MPPED2: variants seen among roughly 807,000 people sequenced by gnomAD.
MPPED2 encodes metallophosphoesterase domain containing 2, also known as metallophosphoesterase MPPED2.
In MPPED2, 5 loss-of-function variants were observed where a neutral mutation model predicts 33.0. The observed-to-expected ratio is 0.15, with a 90% CI of 0.08 to 0.32. The LOEUF (loss-of-function observed/expected upper bound fraction) is 0.32, where lower values mean the gene tolerates loss of function less well. Ranked by LOEUF, MPPED2 falls within the 10% of genes least tolerant of loss-of-function variation. MPPED2 has a pLI of 1.00. For synonymous variants in MPPED2, 136 were observed against 141.9 expected (o/e 0.96, Z 0.29); for missense variants, 275 against 372.1 (o/e 0.74, Z 2.15).
intron 4 of MPPED2, among the ~76,000 whole-genome samples, chr11:30,466,067 T>A (rs1950694460): frequency 6.6e-6 from 1 of 152,256 alleles, no homozygotes; most frequent in Non-Finnish European, 1.5e-5. Flanking sequence ...TCAGTTGGCC[T>A]GTTCCTTGCT....
At chr11:30,402,073 G>A (rs938839816) in intron 6 of MPPED2, among the ~76,000 whole-genome samples, 1 of 152,180 alleles carries the variant, frequency 6.6e-6, no homozygotes, top group South Asian at 2.1e-4. Flanking sequence ...TATTTGGGGG[G>A]TTATGGAAGG....
chr11:30,470,523 C>A (rs11031105), intron 4 of MPPED2, among the ~76,000 whole-genome samples: 5 of 151,896 alleles, frequency 3.3e-5, no homozygotes, highest in Admixed American at 3.3e-4. Flanking sequence ...TAAAATTGAC[C>A]GTGGTAATGA....
intron 4 of MPPED2, among the ~76,000 whole-genome samples, chr11:30,428,479 C>T (rs977413439): frequency 6.6e-6 from 1 of 152,098 alleles, no homozygotes; most frequent in African/African-American, 2.4e-5. Context: ...TTTGAAGATG[C>T]AGTGAGCTCT....
In MPPED2 at chr11:30,458,914, CTTTTTTT is replaced by C. The variant is rs71060450; in HGVS notation, c.536+36375_536+36381del. Among the ~76,000 whole-genome samples, 1,099 of 64,382 alleles carry C rather than the reference CTTTTTTT, an allele frequency of 0.017. 14 individuals are homozygous for C. In the East Asian group the frequency reaches 0.2, roughly 12 times the overall value. 42.2% of individuals were successfully genotyped at this position (64,382 alleles called of 152,430 possible). A position where few individuals can be genotyped will look rare whatever the true frequency, so the allele number is the denominator to read the frequency against. ...TTTTTTAGGACAATTTTGCACAGTT[CTTTTTTT>C]TTTTTTTTTTTTTTTTTTTTTTGAG... On this transcript the variant is annotated intron_variant, in intron 4 of 6. Coordinates refer to ENST00000358117, the MANE Select transcript of MPPED2 (RefSeq NM_001584.3).
At chr11:30,544,892 G>T (rs1206788142) in intron 2 of MPPED2, among the ~76,000 whole-genome samples, 5 of 152,156 alleles carry the variant, frequency 3.3e-5, no homozygotes, top group African/African-American at 1.2e-4. Flanking sequence ...CATGAGAGTG[G>T]CCGGAAGCTG....
At chr11:30,557,007 A>C (rs1403745881) in intron 2 of MPPED2, among the ~76,000 whole-genome samples, 1 of 151,968 alleles carries the variant, frequency 6.6e-6, no homozygotes, top group Non-Finnish European at 1.5e-5. Context: ...TAAGGGGGTT[A>C]GTTTTACACT....
intron 6 of MPPED2, among the ~76,000 whole-genome samples, chr11:30,396,606 T>G (rs1211272899): frequency 6.6e-6 from 1 of 152,156 alleles, no homozygotes; most frequent in African/African-American, 2.4e-5. Context: ...TAGTCACACC[T>G]TCCTACATCT....
chr11:30,586,820 A>T (rs1957483607), upstream of MPPED2: 1 of 152,120 alleles, frequency 6.6e-6, no homozygotes, highest in Admixed American at 6.5e-5. The surrounding 1 kb of genome is among the most constrained non-coding windows in gnomAD (Gnocchi z 4.8). Context: ...CGGCTGGGAC[A>T]CTTCGCTCAG....
intron 3 of MPPED2, among the ~76,000 whole-genome samples, chr11:30,496,730 G>C (rs1348797010): frequency 6.6e-6 from 1 of 151,538 alleles, no homozygotes. Flanking sequence ...GGGGAGGTGA[G>C]GGGAGCAAGT....
At chr11:30,399,349 A>C (rs1947879100) in intron 6 of MPPED2, among the ~76,000 whole-genome samples, 1 of 152,312 alleles carries the variant, frequency 6.6e-6, no homozygotes, top group South Asian at 2.1e-4. Flanking sequence ...GCCAAATTAC[A>C]AAGGTAAGAA....
rs117021707 is a variant in MPPED2 at position 30,391,146 on chromosome 11, G to T, written c.767-2190C>A. On this transcript the variant is annotated intron_variant, in intron 6 of 6. Transcript: ENST00000448418. The stretch of plus-strand genomic sequence containing the variant: ...AGTGAAGAGATGGAACTGTCTAGGG[G>T]CTTCAAAGAAGCTAGGGAATTGATT... Among the ~76,000 whole-genome samples, 870 of 152,282 alleles carry T rather than the reference G, an allele frequency of 5.7e-3. 6 individuals carry two copies. The highest frequency in any genetic ancestry group is 0.01 in the Middle Eastern group (3 of 294).
At chr11:30,473,236 C>T (rs1460864893) in intron 4 of MPPED2, among the ~76,000 whole-genome samples, 3 of 152,122 alleles carry the variant, frequency 2.0e-5, no homozygotes, top group African/African-American at 7.2e-5. Flanking sequence ...CTCTATTTCA[C>T]CTCTCGTCAC....
At chr11:30,568,149 G>A (rs1347982493) in intron 2 of MPPED2, among the ~76,000 whole-genome samples, 1 of 152,136 alleles carries the variant, frequency 6.6e-6, no homozygotes, top group Non-Finnish European at 1.5e-5. Context: ...TGGGCACTAA[G>A]CATTATCTTC....
chr11:30,389,053 TC>T, intron 6 of MPPED2: 1 of 1,429,174 alleles, frequency 7.0e-7, no homozygotes, highest in Non-Finnish European at 9.2e-7. Context: ...TTGATTACCT[TC>T]CCATTCTCAT....
intron 6 of MPPED2, among the ~76,000 whole-genome samples, chr11:30,397,563 A>C (rs906731407): frequency 6.6e-6 from 1 of 152,156 alleles, no homozygotes; most frequent in Non-Finnish European, 1.5e-5. Context: ...GTCATAAAAC[A>C]ACCACTGACA....
intron 3 of MPPED2, among the ~76,000 whole-genome samples, chr11:30,523,258 G>A (rs1214776545): frequency 3.9e-5 from 6 of 152,104 alleles, no homozygotes; most frequent in African/African-American, 9.7e-5. Flanking sequence ...AAAAACCCAG[G>A]GGACAGATGG....
intron 1 of MPPED2, among the ~76,000 whole-genome samples, chr11:30,583,443 C>A (rs1209763069): frequency 6.6e-6 from 1 of 152,016 alleles, no homozygotes; most frequent in African/African-American, 2.4e-5. Context: ...CAAAGGAACC[C>A]AGGACGAAAT....
chr11:30,458,090 A>G (rs1950357964), intron 4 of MPPED2, among the ~76,000 whole-genome samples: 1 of 152,224 alleles, frequency 6.6e-6, no homozygotes, highest in Non-Finnish European at 1.5e-5. Flanking sequence ...CTTTCAAAGC[A>G]GCATCTCCAA....
chr11:30,476,704 C>T (rs1951219720), intron 4 of MPPED2, among the ~76,000 whole-genome samples: 1 of 151,962 alleles, frequency 6.6e-6, no homozygotes, highest in Admixed American at 6.6e-5. Context: ...TTTTTATACT[C>T]ACTTTGACTA....
Sources: allele counts gnomAD v4.1 joint callset (sites outside exome capture counted in the v4.1 genomes callset), GRCh38; gene constraint gnomAD v4.1.1; non-coding constraint Gnocchi (gnomAD v3.1); transcripts MANE v1.5; gene names NCBI Gene and HGNC (gene_info 2026-07-23, HGNC 2026-07-21).